Variants in DHRS7C observed in about 807,000 individuals in gnomAD.
DHRS7C encodes the protein dehydrogenase/reductase 7C, also known as dehydrogenase/reductase SDR family member 7C.
In DHRS7C, 28 loss-of-function variants were observed where a neutral mutation model predicts 29.6. That is an observed-to-expected ratio of 0.95 (90% confidence interval 0.70 to 1.30). The LOEUF is 1.30. DHRS7C is among the 50% of genes most tolerant of loss of function. The pLI is 0.00. For missense variants in DHRS7C, 403 were observed against 393.3 expected (o/e 1.02, Z -0.21); for synonymous variants, 158 against 160.2 (o/e 0.99, Z 0.10).
At chr17:9,780,908 C>T (rs926926791) in intron 2 of DHRS7C, among the ~76,000 whole-genome samples, 1 of 152,192 alleles carries the variant, frequency 6.6e-6, no homozygotes, top group East Asian at 1.9e-4. Flanking sequence ...TCTGTGTTGT[C>T]CTGTTTGATT....
At chr17:9,785,677 G>C (rs1158228365) in intron 1 of DHRS7C, among the ~76,000 whole-genome samples, 1 of 152,186 alleles carries the variant, frequency 6.6e-6, no homozygotes, top group Non-Finnish European at 1.5e-5. Flanking sequence ...TAATCCTAGG[G>C]AGGCCTCTGA....
chr17:9,776,655 C>T (rs1378488841), intron 4 of DHRS7C, among the ~76,000 whole-genome samples: 1 of 152,128 alleles, frequency 6.6e-6, no homozygotes, highest in Non-Finnish European at 1.5e-5. Flanking sequence ...GAACATACAC[C>T]TAGGAGTCCT....
At chr17:9,786,328 A>AAATAAT (rs200610370) in intron 1 of DHRS7C, among the ~76,000 whole-genome samples, 12,886 of 138,058 alleles carry the variant, frequency 0.093, 676 homozygotes, top group African/African-American at 0.15. Context: ...ACTCCGTCTC[A>AAATAAT]AATAATAATA....
At chr17:9,790,191 G>A (rs983990034) in intron 1 of DHRS7C, among the ~76,000 whole-genome samples, 2 of 152,066 alleles carry the variant, frequency 1.3e-5, no homozygotes, top group Non-Finnish European at 2.9e-5. Context: ...GGGACTCTCG[G>A]GGCAATGCTC....
In DHRS7C at chr17:9,771,544, A is replaced by G; in HGVS notation, c.880T>C (p.Phe294Leu). 6.3e-7 allele frequency: 1 copy of G among 1,591,544 alleles called. No individual in the cohort carries two copies. Among genetic ancestry groups the G allele is most frequent in the African/African-American group, 1.3e-5 (1 of 74,332 alleles). The change falls in exon 6 of 6, where the codon TTC becomes CTC. Residue 294 changes from phenylalanine (F) to leucine (L), a missense_variant. By Grantham distance (22) the Phe-to-Leu change is conservative (BLOSUM62 0). Transcript: ENST00000571134. Reference protein sequence around the residue: ...YVRTFFPEFFFAVVACGVKEK... With the variant: ...YVRTFFPEFFLAVVACGVKEK... Reference sequence around the variant, plus strand: ...TTCACCCCACAGGCCACCACGGCGAAAAAGAACTCCGGGAAGAAGGTGCGG... The same window carrying G: ...TTCACCCCACAGGCCACCACGGCGAGAAAGAACTCCGGGAAGAAGGTGCGG...
rs2066390963 is a variant in DHRS7C at position 9,781,174 on chromosome 17, GTGTT to G, written c.267+304_267+307del. Among the ~76,000 whole-genome samples the G allele has an allele frequency of 5.3e-5, 8 of 152,102 alleles. No homozygotes were observed. The South Asian group carries it at 1.7e-3, about 32-fold the overall frequency. On this transcript the variant is annotated intron_variant, in intron 2 of 5. Transcript: ENST00000571134. ...TTCAGGTATTTAAAAAAAAATGACT[GTGTT>G]TGTAATCACAGTCCATACCTGTAAC...
In DHRS7C at chr17:9,771,504, A is replaced by G; in HGVS notation, c.920T>C (p.Val307Ala). 1 of 1,543,638 alleles carries G rather than the reference A, an allele frequency of 6.5e-7. No homozygotes were observed. Among genetic ancestry groups the G allele is most frequent in the East Asian group, 2.4e-5 (1 of 41,892 alleles). The change falls in exon 6 of 6, where the codon GTC becomes GCC. Residue 307 changes from valine (V) to alanine (A), a missense_variant. Physicochemically the swap from Val to Ala is moderately conservative, Grantham distance 64 (BLOSUM62 0). Transcript: ENST00000571134. ...CTCCTGCAGTTACCCCTCCTCCGGG[A>G]CATTGAGCTTCTCCTTCACCCCACA... ...VACGVKEKLNVPEEG is the reference protein window; with the variant it reads ...VACGVKEKLNAPEEG
chr17:9,775,144 CT>C lies in DHRS7C; in HGVS notation c.571+2048del, dbSNP rs1262756862. ...TCACTTGGCTTTAGGCATTCAAACA[CT>C]TTGTTGAATGAATGAAGGCATGAAG... On this transcript the variant is annotated intron_variant, in intron 4 of 5. Coordinates refer to ENST00000571134, the MANE Select transcript of DHRS7C (RefSeq NM_001105571.3). The surrounding 1 kb of genome is among the most constrained non-coding windows in gnomAD (Gnocchi z 4.2). Among the ~76,000 whole-genome samples, 3 of 152,188 alleles carry C rather than the reference CT, an allele frequency of 2.0e-5. No individual in the cohort carries two copies. The highest frequency in any genetic ancestry group is 7.2e-5 in the African/African-American group (3 of 41,442).
In DHRS7C at chr17:9,780,002, A is replaced by C; in HGVS notation, c.301T>G (p.Ser101Ala). 1 of 1,613,934 alleles carries C rather than the reference A, an allele frequency of 6.2e-7. No individual in the cohort carries two copies. Among genetic ancestry groups the C allele is most frequent in the Non-Finnish European group, 8.5e-7 (1 of 1,179,884 alleles). ...ACATCTGGGACACAGCTGATGTCTG[A>C]GAGGTCCAACAGGACCAGCTTTGGG... is the stretch of plus-strand genomic sequence containing the variant. Reference protein sequence around the residue: ...FTPKLVLLDLSDISCVPDVAK... With the variant: ...FTPKLVLLDLADISCVPDVAK... Residue 101 changes from serine (S) to alanine (A), a missense_variant, in exon 3 of 6, where the codon TCA becomes GCA. Physicochemically the swap from Ser to Ala is moderately conservative, Grantham distance 99. Transcript: ENST00000571134.
intron 4 of DHRS7C, 24 bp downstream of exon 4, chr17:9,777,166 TATC>T: frequency 1.3e-6 from 2 of 1,581,630 alleles, no homozygotes; most frequent in Non-Finnish European, 1.7e-6. Flanking sequence ...CAACAGAAGA[TATC>T]ATATTTTTAT....
intron 2 of DHRS7C, among the ~76,000 whole-genome samples, chr17:9,781,271 A>C (rs1292531117): frequency 6.6e-6 from 1 of 152,208 alleles, no homozygotes; most frequent in Non-Finnish European, 1.5e-5. Flanking sequence ...CTGTGGCTAC[A>C]GAACATGATT....
chr17:9,787,143 A>C (rs1172608761), intron 1 of DHRS7C, among the ~76,000 whole-genome samples: 1 of 152,038 alleles, frequency 6.6e-6, no homozygotes, highest in Non-Finnish European at 1.5e-5. Flanking sequence ...ACGGGGTTTC[A>C]CCATGTTGGC....
chr17:9,773,003 C>T (rs907580199), intron 4 of DHRS7C, 81 bp from the exon 5 acceptor site: 4 of 1,524,540 alleles, frequency 2.6e-6, no homozygotes, highest in Non-Finnish European at 3.5e-6. Flanking sequence ...GCAGGAGGGC[C>T]GACAGACACA....
chr17:9,790,809 T>C (rs926269491), intron 1 of DHRS7C, among the ~76,000 whole-genome samples: 2 of 152,146 alleles, frequency 1.3e-5, no homozygotes, highest in African/African-American at 4.8e-5. Flanking sequence ...AACCAGTACA[T>C]TGCCCCAGCT....
chr17:9,786,667 A>T (rs1378545372), intron 1 of DHRS7C, among the ~76,000 whole-genome samples: 1 of 152,190 alleles, frequency 6.6e-6, no homozygotes, highest in Non-Finnish European at 1.5e-5. Context: ...GGGCAGCAGA[A>T]AGTCTAGTCT....
chr17:9,771,482 C>T lies in DHRS7C; in HGVS notation c.*6G>A, dbSNP rs1428557326. The T allele has an allele frequency of 8.0e-6, 12 of 1,504,040 alleles. No individual in the cohort carries two copies. In the South Asian group the frequency reaches 1.3e-4, roughly 17 times the overall value. 93.2% of individuals were successfully genotyped at this position (1,504,040 alleles called of 1,614,324 possible). ...TCCAAGGGGTGGCCCATTTGGCCTC[C>T]TGCAGTTACCCCTCCTCCGGGACAT... On this transcript the variant is annotated 3_prime_UTR_variant, in exon 6 of 6. Transcript: ENST00000571134.
rs575795875 is a variant in DHRS7C at position 9,772,820 on chromosome 17, C to T, written c.674G>A (p.Arg225Gln). Residue 225 changes from arginine to glutamine, a missense_variant, in exon 5 of 6, where the codon CGG becomes CAG. Physicochemically the swap from Arg to Gln is conservative, Grantham distance 43. Transcript: ENST00000571134. ...VISTVSPTFI[R>Q]SYHVYPEQGN... The stretch of plus-strand genomic sequence containing the variant: ...TTGCTCTGGATACACGTGGTACGAC[C>T]GGATGAAAGTCGGGCTCACGGTGCT... The T allele has an allele frequency of 1.3e-5, 21 of 1,613,946 alleles. No individual in the cohort carries two copies. Among genetic ancestry groups the T allele is most frequent in the South Asian group, 2.2e-5 (2 of 91,086 alleles).
At chr17:9,778,818 C>T (rs2066377400) in intron 3 of DHRS7C, among the ~76,000 whole-genome samples, 1 of 152,154 alleles carries the variant, frequency 6.6e-6, no homozygotes, top group South Asian at 2.1e-4. Flanking sequence ...CAGACCTTGC[C>T]AGGACACCCC....
intron 1 of DHRS7C, among the ~76,000 whole-genome samples, chr17:9,784,828 T>C (rs2066414084): frequency 6.6e-6 from 1 of 152,218 alleles, no homozygotes; most frequent in Non-Finnish European, 1.5e-5. Context: ...TCTTGGCCAC[T>C]GTGAATAACA....
Sources: gnomAD v4.1 joint callset for allele counts (sites outside exome capture counted in the v4.1 genomes callset) on GRCh38, gnomAD v4.1.1 for gene constraint, Gnocchi (gnomAD v3.1) non-coding constraint, MANE v1.5 for transcripts, NCBI Gene and HGNC (gene_info 2026-07-23, HGNC 2026-07-21) for gene names.